ONECUT1: variants seen among roughly 807,000 people sequenced by gnomAD.
The protein encoded by ONECUT1 is hepatocyte nuclear factor 6.
Under a neutral mutation model 25.6 loss-of-function variants are expected in ONECUT1, and 12 were observed. That is an observed-to-expected ratio of 0.47 (90% CI 0.30 to 0.76). The LOEUF is 0.76. Ranked by LOEUF, ONECUT1 falls within the 30% of genes least tolerant of loss-of-function variation. The pLI is 0.07. For synonymous variants in ONECUT1, 285 were observed against 270.2 expected, an observed-to-expected ratio of 1.05 and a Z score of -0.54; for missense variants, 620 against 651.2, an observed-to-expected ratio of 0.95 and a Z score of 0.52.
At chr15:52,779,146 T>C (rs1168220773) in intron 1 of ONECUT1, among the ~76,000 whole-genome samples, 2 of 152,168 alleles carry the variant, frequency 1.3e-5, no homozygotes, top group African/African-American at 4.8e-5. Flanking sequence ...TGCAGTGGTG[T>C]GATCTAGGCT....
At chr15:52,764,732 G>A (rs2083724279) in intron 1 of ONECUT1, among the ~76,000 whole-genome samples, 1 of 152,208 alleles carries the variant, frequency 6.6e-6, no homozygotes, top group Admixed American at 6.5e-5. Flanking sequence ...GGACAGCTTG[G>A]CATTGTCATA....
chr15:52,789,665 C>T lies in ONECUT1; in HGVS notation c.220G>A (p.Ala74Thr). 1.3e-6 allele frequency: 2 copies of T among 1,527,554 alleles called. No homozygotes were observed. The highest frequency in any genetic ancestry group is 1.8e-6 in the Non-Finnish European group (2 of 1,140,428). 94.6% of individuals were successfully genotyped at this position (1,527,554 alleles called of 1,614,324 possible). The change falls in exon 1 of 2, where the codon GCC becomes ACC. Residue 74 changes from alanine to threonine, a missense_variant. Ala to Thr is a moderately conservative substitution (Grantham distance 58). This residue lies in a region of ONECUT1 where 440 missense variants were observed against 404.9 expected (regional missense o/e 1.09). Coordinates refer to ENST00000305901, the MANE Select transcript of ONECUT1 (RefSeq NM_004498.4). The surrounding 1 kb of genome is among the most constrained non-coding windows in gnomAD (Gnocchi z 4.1). ...GGGDYHHHHR[A>T]PEHSLAGPLH... ...GGGCCGGCCAGGCTGTGCTCAGGGG[C>T]CCGGTGGTGGTGGTGGTAATCTCCG...
rs1482831282 is a variant in ONECUT1 at position 52,788,550 on chromosome 15, C to T, written c.1105+230G>A. ...ATGAGCCTCTTCAGTCGCCGAGGCCCGGCCGCTTAGCTCTCGGAGCCTTCC... is the reference window on the plus strand; with the variant it reads ...ATGAGCCTCTTCAGTCGCCGAGGCCTGGCCGCTTAGCTCTCGGAGCCTTCC... On this transcript the variant is annotated intron_variant, in intron 1 of 1. Coordinates refer to ENST00000305901, the MANE Select transcript of ONECUT1 (RefSeq NM_004498.4). This position sits in a 1 kb window ranked among gnomAD's most constrained non-coding sequence, Gnocchi z 4.3. 2 of 505,608 alleles carry T rather than the reference C, an allele frequency of 4.0e-6. No individual in the cohort carries two copies. Among genetic ancestry groups the T allele is most frequent in the Admixed American group, 3.3e-5 (1 of 30,684 alleles). 31.3% of individuals were successfully genotyped at this position (505,608 alleles called of 1,614,324 possible). A position where few individuals can be genotyped will look rare whatever the true frequency, so the allele number is the denominator to read the frequency against.
chr15:52,777,699 C>A (rs1348799221), intron 1 of ONECUT1, among the ~76,000 whole-genome samples: 2 of 95,376 alleles, frequency 2.1e-5, no homozygotes, highest in Non-Finnish European at 3.8e-5. Flanking sequence ...TCCTGGAAAA[C>A]ACACACACAC....
Position 52,757,546 on chromosome 15 carries a change from G to T in ONECUT1, c.*9C>A, listed in dbSNP as rs1190450297. 6.3e-7 allele frequency: 1 copy of T among 1,595,600 alleles called. No homozygotes were observed. Among genetic ancestry groups the T allele is most frequent in the South Asian group, 1.1e-5 (1 of 87,674 alleles). On this transcript the variant is annotated 3_prime_UTR_variant, in exon 2 of 2. Coordinates refer to ENST00000305901, the MANE Select transcript of ONECUT1 (RefSeq NM_004498.4). ...TTTTCCACCGAGGTTTTAGTTTGTG[G>T]TTCTTCCTTCATGCTTTGGTACAAG...
At chr15:52,787,653 A>AGGGGGGGGGGG (rs1255483635) in intron 1 of ONECUT1, 4 of 89,702 alleles carry the variant, frequency 4.5e-5, no homozygotes, top group Non-Finnish European at 7.0e-5. Context: ...GTGGGGGGGG[A>AGGGGGGGGGGG]GGGGGCATGG....
chr15:52,764,566 C>T (rs1190618444), intron 1 of ONECUT1, among the ~76,000 whole-genome samples: 1 of 152,202 alleles, frequency 6.6e-6, no homozygotes, highest in Non-Finnish European at 1.5e-5. Context: ...GGCTTGCTCT[C>T]TGTGAGTCCT....
rs144347456 is a variant in ONECUT1, at chr15:52,755,243, G to A, written c.*2312C>T. ...TAAATTATAAATACATTATGTAGCT[G>A]TATCCCCGGCTCCCTCCATCCCTGG... On this transcript the variant is annotated 3_prime_UTR_variant, in exon 2 of 2. Coordinates refer to ENST00000305901, the MANE Select transcript of ONECUT1 (RefSeq NM_004498.4). Among the ~76,000 whole-genome samples the A allele has an allele frequency of 3.4e-3, 522 of 152,146 alleles. 2 individuals are homozygous for A. Among genetic ancestry groups the A allele is most frequent in the African/African-American group, 0.012 (505 of 41,488 alleles).
intron 1 of ONECUT1, among the ~76,000 whole-genome samples, chr15:52,787,318 G>T (rs1307559348): frequency 4.6e-5 from 7 of 152,110 alleles, no homozygotes; most frequent in Non-Finnish European, 8.8e-5. Context: ...GGGACCGGTG[G>T]CCTGCAGCGC....
At chr15:52,776,985 T>C (rs1311229566) in intron 1 of ONECUT1, among the ~76,000 whole-genome samples, 2 of 152,216 alleles carry the variant, frequency 1.3e-5, no homozygotes, top group African/African-American at 2.4e-5. Context: ...CTACAGTTCT[T>C]ACAAGTTCCC....
At chr15:52,777,760 G>A (rs558499657) in intron 1 of ONECUT1, among the ~76,000 whole-genome samples, 2 of 131,706 alleles carry the variant, frequency 1.5e-5, no homozygotes, top group Non-Finnish European at 3.1e-5. Context: ...AAAGTTATTT[G>A]TTCTCTTCCC....
chr15:52,772,405 A>G lies in ONECUT1; in HGVS notation c.1106-14558T>C, dbSNP rs544900485. Reference sequence around the variant, plus strand: ...CGAGACTCCATCTAAAAAAAAAAAAAAAAAGCGAGATGTGTGTGAAGTTTG... The same window carrying G: ...CGAGACTCCATCTAAAAAAAAAAAAGAAAAGCGAGATGTGTGTGAAGTTTG... On this transcript the variant is annotated intron_variant, in intron 1 of 1. Coordinates refer to ENST00000305901, the MANE Select transcript of ONECUT1 (RefSeq NM_004498.4). Among the ~76,000 whole-genome samples the G allele has an allele frequency of 6.9e-4, 105 of 152,144 alleles. 1 individual carries two copies. Among genetic ancestry groups the G allele is most frequent in the Admixed American group, 3.0e-3 (46 of 15,284 alleles).
chr15:52,773,446 TTATG>T (rs2083780784), intron 1 of ONECUT1, among the ~76,000 whole-genome samples: 1 of 152,218 alleles, frequency 6.6e-6, no homozygotes, highest in Non-Finnish European at 1.5e-5. Context: ...TACATGGATA[TTATG>T]TATGTATGAT....
chr15:52,762,939 T>C (rs1382394589), intron 1 of ONECUT1, among the ~76,000 whole-genome samples: 1 of 151,724 alleles, frequency 6.6e-6, no homozygotes, highest in East Asian at 1.9e-4. Flanking sequence ...AACCCCCAAT[T>C]GGAGGTTATG....
At chr15:52,760,708 G>C (rs2083701023) in intron 1 of ONECUT1, among the ~76,000 whole-genome samples, 1 of 152,122 alleles carries the variant, frequency 6.6e-6, no homozygotes, top group East Asian at 1.9e-4. Flanking sequence ...AGAAGGAAAG[G>C]CTGTGGGAGA....
chr15:52,789,791 G>T lies in ONECUT1; in HGVS notation c.94C>A (p.Pro32Thr). 2 of 1,460,112 alleles carry T rather than the reference G, an allele frequency of 1.4e-6. No individual in the cohort carries two copies. The highest frequency in any genetic ancestry group is 8.9e-7 in the Non-Finnish European group (1 of 1,119,508). 90.4% of individuals were successfully genotyped at this position (1,460,112 alleles called of 1,614,324 possible). A position where few individuals can be genotyped will look rare whatever the true frequency, so the allele number is the denominator to read the frequency against. Residue 32 changes from proline (P) to threonine (T), a missense_variant, in exon 1 of 2, where the codon CCC becomes ACC. Coordinates refer to ENST00000305901, the MANE Select transcript of ONECUT1 (RefSeq NM_004498.4). This position sits in a 1 kb window ranked among gnomAD's most constrained non-coding sequence, Gnocchi z 4.1. ...TGCGCCACGGAGCTGCGCGCGTGGGGGCTGCCGCCCAGCAGGTCGGCAGGG... is the reference window on the plus strand; with the variant it reads ...TGCGCCACGGAGCTGCGCGCGTGGGTGCTGCCGCCCAGCAGGTCGGCAGGG... ...PAPADLLGGS[P>T]HARSSVAHRG...
chr15:52,788,843 G>C lies in ONECUT1; in HGVS notation c.1042C>G (p.Arg348Gly). Reference protein sequence around the residue: ...SKLKSGRETFRRMWKWLQEPE... With the variant: ...SKLKSGRETFGRMWKWLQEPE... The stretch of plus-strand genomic sequence containing the variant: ...TCCTGCAGCCACTTCCACATCCTCC[G>C]GAAGGTCTCCCGGCCGGATTTGAGT... The change falls in exon 1 of 2, where the codon CGG (arginine) becomes GGG (glycine). Residue 348 changes from arginine (R) to glycine (G), a missense_variant. Physicochemically the swap from Arg to Gly is moderately radical, Grantham distance 125 (BLOSUM62 -2). Around this residue, in one of 4 missense-constraint regions of ONECUT1, gnomAD observed 146 missense variants for 201.8 expected, o/e 0.72. Coordinates refer to ENST00000305901, the MANE Select transcript of ONECUT1 (RefSeq NM_004498.4). The surrounding 1 kb of genome is among the most constrained non-coding windows in gnomAD (Gnocchi z 4.3). 1 of 1,614,102 alleles carries C rather than the reference G, an allele frequency of 6.2e-7. No homozygotes were observed. The highest frequency in any genetic ancestry group is 8.5e-7 in the Non-Finnish European group (1 of 1,180,008).
Position 52,757,355 on chromosome 15 carries a change from G to T in ONECUT1, c.*200C>A. 1 of 571,526 alleles carries T rather than the reference G, an allele frequency of 1.7e-6. No individual in the cohort carries two copies. The allele number at this position is 571,526 out of a possible 1,614,324, so 35.4% of individuals were successfully genotyped here. On this transcript the variant is annotated 3_prime_UTR_variant, in exon 2 of 2. Coordinates refer to ENST00000305901, the MANE Select transcript of ONECUT1 (RefSeq NM_004498.4). ...TGCTCATCATTTGTCTTGCCAAGTC[G>T]CCGCCCTGCTGAAGTGTGTGTCTCC...
In ONECUT1 at chr15:52,790,021, C is replaced by G; in HGVS notation, c.-137G>C. ...TTCCTCTCACTGTGGGGCTCTGTCT[C>G]TCTCTCTCTCTCTCTCCGTGTGTGT... On this transcript the variant is annotated 5_prime_UTR_variant, in exon 1 of 2. Coordinates refer to ENST00000305901, the MANE Select transcript of ONECUT1 (RefSeq NM_004498.4). The G allele has an allele frequency of 7.4e-6, 8 of 1,076,518 alleles. No homozygotes were observed. Among genetic ancestry groups the G allele is most frequent in the African/African-American group, 1.7e-5 (1 of 59,686 alleles). The allele number at this position is 1,076,518 out of a possible 1,614,324, so 66.7% of individuals were successfully genotyped here.
Sources: gnomAD v4.1 joint callset for allele counts (sites outside exome capture counted in the v4.1 genomes callset) on GRCh38, gnomAD v4.1.1 for gene constraint, gnomAD v4.1.1 regional missense constraint, Gnocchi (gnomAD v3.1) non-coding constraint, MANE v1.5 for transcripts, NCBI Gene and HGNC (gene_info 2026-07-23, HGNC 2026-07-21) for gene names.